Variants in GALNT13 observed in about 807,000 individuals in gnomAD.
GALNT13 encodes polypeptide N-acetylgalactosaminyltransferase 13.
In GALNT13, 28 loss-of-function variants were observed where a neutral mutation model predicts 64.2. The observed-to-expected ratio is 0.44, with a 90% CI of 0.32 to 0.60. The LOEUF (loss-of-function observed/expected upper bound fraction) is 0.60. Among genes scored for constraint, GALNT13 ranks in the 20% least tolerant of loss-of-function variants. GALNT13 has a pLI of 0.05. For synonymous variants in GALNT13, 214 were observed against 224.6 expected (o/e 0.95, Z 0.42); for missense variants, 577 against 669.8 (o/e 0.86, Z 1.53).
chr2:154,020,332 C>A (rs1218916271), intron 3 of GALNT13, among the ~76,000 whole-genome samples: 2 of 152,114 alleles, frequency 1.3e-5, no homozygotes, highest in Non-Finnish European at 2.9e-5. Context: ...TAAAAGTGTT[C>A]CTATTTCTCC....
chr2:154,342,912 T>G (rs1244539321), intron 9 of GALNT13, among the ~76,000 whole-genome samples: 1 of 151,972 alleles, frequency 6.6e-6, no homozygotes, highest in Non-Finnish European at 1.5e-5. Flanking sequence ...TGGAGCTCAC[T>G]GTTTCATTTG....
chr2:153,788,171 AAAT>A, the GALNT13 span, among the ~76,000 whole-genome samples: 1 of 152,280 alleles, frequency 6.6e-6, no homozygotes, highest in African/African-American at 2.4e-5. Flanking sequence ...ATGAAAGAAA[AAAT>A]AATAAAGGCA....
chr2:153,895,583 A>G (rs532737401), intron 1 of GALNT13, among the ~76,000 whole-genome samples: 1 of 152,160 alleles, frequency 6.6e-6, no homozygotes, highest in Non-Finnish European at 1.5e-5. Flanking sequence ...ACTAGGGTCA[A>G]GTTGGGGCAT....
chr2:153,188,225 A>G, the GALNT13 span, among the ~76,000 whole-genome samples: 1 of 152,084 alleles, frequency 6.6e-6, no homozygotes, highest in Admixed American at 6.6e-5. Flanking sequence ...TGTAATATAT[A>G]ATATTTTTAT....
At chr2:153,088,067 AC>A in the GALNT13 span, among the ~76,000 whole-genome samples, 30 of 150,950 alleles carry the variant, frequency 2.0e-4, no homozygotes, top group African/African-American at 7.1e-4. Context: ...TAGACTGTTT[AC>A]TTGTGCTCTT....
chr2:153,245,540 A>G, the GALNT13 span, among the ~76,000 whole-genome samples: 23 of 152,334 alleles, frequency 1.5e-4, no homozygotes, highest in South Asian at 4.8e-3. Flanking sequence ...GACCTGAAGA[A>G]AAGGGGCCTG....
At chr2:153,436,799 G>T in the GALNT13 span, among the ~76,000 whole-genome samples, 3 of 151,948 alleles carry the variant, frequency 2.0e-5, no homozygotes, top group South Asian at 2.1e-4. Context: ...CTGATTTTTT[G>T]AACGGTTTTT....
chr2:154,191,267 G>A (rs577693187), intron 4 of GALNT13, among the ~76,000 whole-genome samples: 81 of 152,090 alleles, frequency 5.3e-4, no homozygotes, highest in Middle Eastern at 3.4e-3. Context: ...GCGCACGCAC[G>A]CACACACACA....
chr2:153,150,275 G>A, the GALNT13 span, among the ~76,000 whole-genome samples: 1 of 152,002 alleles, frequency 6.6e-6, no homozygotes, highest in African/African-American at 2.4e-5. Flanking sequence ...GTCCTCTTTT[G>A]AGAAGTGTCT....
the GALNT13 span, among the ~76,000 whole-genome samples, chr2:153,224,741 TA>T: frequency 6.6e-6 from 1 of 152,156 alleles, no homozygotes; most frequent in Non-Finnish European, 1.5e-5. Flanking sequence ...CGCAATTTGA[TA>T]ACTTAGATGA....
chr2:153,270,103 C>A, the GALNT13 span, among the ~76,000 whole-genome samples: 1 of 152,150 alleles, frequency 6.6e-6, no homozygotes, highest in Non-Finnish European at 1.5e-5. Flanking sequence ...TTCAAAAGAT[C>A]CATTTTCTAA....
At chr2:153,594,641 C>G in the GALNT13 span, among the ~76,000 whole-genome samples, 1 of 152,028 alleles carries the variant, frequency 6.6e-6, no homozygotes, top group African/African-American at 2.4e-5. Context: ...ACCTATATTT[C>G]CTTTTGAACA....
upstream of GALNT13, among the ~76,000 whole-genome samples, chr2:153,867,374 A>G (rs1174845468): frequency 1.5e-5 from 2 of 135,962 alleles, no homozygotes; most frequent in Non-Finnish European, 3.3e-5. Flanking sequence ...TGGCATATCT[A>G]TAAACTATTT....
At chr2:154,148,708 G>C (rs1350375810) in intron 4 of GALNT13, among the ~76,000 whole-genome samples, 1 of 152,108 alleles carries the variant, frequency 6.6e-6, no homozygotes, top group African/African-American at 2.4e-5. Context: ...GTGTCTTTTG[G>C]CTGCATAAAT....
the GALNT13 span, among the ~76,000 whole-genome samples, chr2:153,625,412 C>A: frequency 6.6e-5 from 10 of 152,062 alleles, no homozygotes; most frequent in Non-Finnish European, 1.3e-4. Flanking sequence ...TAACAAAAGC[C>A]TGTAACAAAA....
At chr2:153,801,271 C>T in the GALNT13 span, among the ~76,000 whole-genome samples, 1 of 150,440 alleles carries the variant, frequency 6.6e-6, no homozygotes, top group Non-Finnish European at 1.5e-5. Context: ...CCTTTACATT[C>T]ACATCTTGGC....
chr2:154,291,125 G>A (rs1692603812), intron 8 of GALNT13, among the ~76,000 whole-genome samples: 1 of 152,032 alleles, frequency 6.6e-6, no homozygotes, highest in Non-Finnish European at 1.5e-5. Context: ...TGGCTTGGGT[G>A]GCCTTTTATT....
the GALNT13 span, among the ~76,000 whole-genome samples, chr2:153,677,312 C>T: frequency 8.0e-5 from 12 of 150,804 alleles, 1 homozygote; most frequent in South Asian, 1.7e-3. Context: ...CACACACACA[C>T]ACACACACAC....
intron 4 of GALNT13, among the ~76,000 whole-genome samples, chr2:154,181,761 A>G (rs1011185336): frequency 1.3e-4 from 20 of 152,004 alleles, no homozygotes; most frequent in Non-Finnish European, 1.5e-5. Flanking sequence ...ATTTTTTCAT[A>G]CTTTAAAAAT....
Sources: gnomAD v4.1 joint callset for allele counts (sites outside exome capture counted in the v4.1 genomes callset) on GRCh38, gnomAD v4.1.1 for gene constraint, MANE v1.5 for transcripts, NCBI Gene and HGNC (gene_info 2026-07-23, HGNC 2026-07-21) for gene names.